Variants in TUBGCP6 observed in about 807,000 individuals in gnomAD.
TUBGCP6 encodes tubulin gamma complex component 6.
A neutral mutation model predicts 175.8 loss-of-function variants in TUBGCP6; 161 were observed. The ratio of observed to expected loss-of-function variants is 0.92; its 90% CI spans 0.81 to 1.04. The LOEUF (loss-of-function observed/expected upper bound fraction) is 1.04, where lower values mean the gene tolerates loss of function less well. Ranked by LOEUF, TUBGCP6 falls within the 50% of genes least tolerant of loss-of-function variation. The probability of loss-of-function intolerance (pLI) is 0.00; values close to 1 mark genes in which losing one functional copy is unlikely to be tolerated. For synonymous variants in TUBGCP6, 1,173 were observed against 1,030.5 expected (o/e 1.14, Z -2.65); for missense variants, 2,572 against 2,433.0 (o/e 1.06, Z -1.20).
chr22:50,243,716 T>C lies in TUBGCP6; in HGVS notation c.741+3A>G, dbSNP rs1243085750. The C allele has an allele frequency of 1.1e-5, 18 of 1,597,108 alleles. No homozygotes were observed. Among genetic ancestry groups the C allele is most frequent in the Non-Finnish European group, 1.5e-5 (17 of 1,168,684 alleles). ...ATGAAAGAGGAAAAACTAAACATTC[T>C]ACCTTAATAGCCAGCCCAGAGAGGT... is the stretch of plus-strand genomic sequence containing the variant. On this transcript the variant is annotated splice_donor_region_variant and intron_variant, in intron 1 of 24. Coordinates refer to ENST00000248846, the MANE Select transcript of TUBGCP6 (RefSeq NM_020461.4).
At chr22:50,240,157 A>G in intron 2 of TUBGCP6, 47 bp downstream of exon 2, 1 of 1,610,806 alleles carries the variant, frequency 6.2e-7, no homozygotes, top group South Asian at 1.1e-5. Context: ...GGCCACGCTC[A>G]TGCAGGGGTA....
chr22:50,218,222 GCACGCTGGATCTCCTCCAGGTCGCC>G lies in TUBGCP6; in HGVS notation c.5110_5134del (p.Gly1704ArgfsTer23). On this transcript the variant is annotated frameshift_variant, in exon 23 of 25. Coordinates refer to ENST00000248846, the MANE Select transcript of TUBGCP6 (RefSeq NM_020461.4). LOFTEE classifies it high-confidence loss of function. Reference sequence around the variant, plus strand: ...GGCCTTGTGCAGGTACTCTGCGTGCGCACGCTGGATCTCCTCCAGGTCGCCCACGGTGGCCAACCTGGCCCTGAAC... The same window carrying G: ...GGCCTTGTGCAGGTACTCTGCGTGCGCACGGTGGCCAACCTGGCCCTGAAC... 2 of 1,612,432 alleles carry G rather than the reference GCACGCTGGATCTCCTCCAGGTCGCC, an allele frequency of 1.2e-6. No individual in the cohort carries two copies. Among genetic ancestry groups the G allele is most frequent in the Non-Finnish European group, 1.7e-6 (2 of 1,179,870 alleles).
Position 50,226,846 on chromosome 22 carries a change from C to T in TUBGCP6, c.1492-4G>A. ...GGTAGGACAGCAGCTTCACGCCCTG[C>T]AGACCGCAAAGGGGGTGGGGGGCAG... On this transcript the variant is annotated splice_region_variant and splice_polypyrimidine_tract_variant and intron_variant, in intron 6 of 24. Transcript: ENST00000248846. 1 of 1,572,914 alleles carries T rather than the reference C, an allele frequency of 6.4e-7. No individual in the cohort carries two copies. Among genetic ancestry groups the T allele is most frequent in the East Asian group, 2.3e-5 (1 of 43,496 alleles).
At chr22:50,243,472 G>T (rs1034097573) in intron 1 of TUBGCP6, among the ~76,000 whole-genome samples, 2 of 148,098 alleles carry the variant, frequency 1.4e-5, no homozygotes, top group Non-Finnish European at 3.0e-5. Flanking sequence ...AAAAAATTAA[G>T]CCGGGCGTGG....
intron 2 of TUBGCP6, 119 bp downstream of exon 2, chr22:50,240,085 A>G (rs940147371): frequency 4.2e-5 from 58 of 1,380,768 alleles, no homozygotes; most frequent in Non-Finnish European, 5.2e-5. Flanking sequence ...AGCTTAGGTT[A>G]CTAACCCATC....
rs199680833 is a variant in TUBGCP6, at chr22:50,244,029, G to A, written c.431C>T (p.Pro144Leu). 411 of 1,613,980 alleles carry A rather than the reference G, an allele frequency of 2.5e-4. 1 individual carries two copies. Among genetic ancestry groups the A allele is most frequent in the Non-Finnish European group, 3.4e-4 (403 of 1,180,042 alleles). ...LNNKHVGRNV[P>L]YSGYDCDDLS... ...GTCGTCGCAATCATAGCCGCTGTACGGAACGTTTCTCCCCACATGCTTGTT... is the reference window on the plus strand; with the variant it reads ...GTCGTCGCAATCATAGCCGCTGTACAGAACGTTTCTCCCCACATGCTTGTT... The change falls in exon 1 of 25, where the codon CCG becomes CTG. Residue 144 changes from proline to leucine, a missense_variant. Physicochemically the swap from Pro to Leu is moderately conservative, Grantham distance 98 (BLOSUM62 -3). Coordinates refer to ENST00000248846, the MANE Select transcript of TUBGCP6 (RefSeq NM_020461.4).
rs1235894535 is a variant in TUBGCP6 at position 50,221,350 on chromosome 22, CAG to C, written c.3007_3008del (p.Leu1003AlafsTer39). 2 of 1,612,358 alleles carry C rather than the reference CAG, an allele frequency of 1.2e-6. No individual in the cohort carries two copies. The highest frequency in any genetic ancestry group is 1.7e-6 in the Non-Finnish European group (2 of 1,179,886). ...CACGCCTGGGTGGGTGTGAGGGGAG[CAG>C]AGTCTCCCGCGAGGCGGAGCCACAG... ...DACGSASRET[L>X]LPSHPPRRAA... On this transcript the variant is annotated frameshift_variant, in exon 16 of 25. Coordinates refer to ENST00000248846, the MANE Select transcript of TUBGCP6 (RefSeq NM_020461.4). LOFTEE classifies it high-confidence loss of function.
chr22:50,221,779 C>T lies in TUBGCP6; in HGVS notation c.2580G>A (p.Arg860=), dbSNP rs1437349043. Reference sequence around the variant, plus strand: ...GGGGCTGTGGGGTCAGCAGGCCTGGCCTGTTCCAGCCATCCCAGGCAGGCG... The same window carrying T: ...GGGGCTGTGGGGTCAGCAGGCCTGGTCTGTTCCAGCCATCCCAGGCAGGCG... ...QHSPAWDGWN[R]PGLLTPQPLK... The change falls in exon 16 of 25, where the codon AGG becomes AGA. Residue 860 remains arginine, a synonymous_variant. Transcript: ENST00000248846. The T allele has an allele frequency of 5.9e-6, 9 of 1,513,020 alleles. No individual in the cohort carries two copies. Among genetic ancestry groups the T allele is most frequent in the African/African-American group, 1.4e-5 (1 of 71,646 alleles). 93.7% of individuals were successfully genotyped at this position (1,513,020 alleles called of 1,614,324 possible).
In TUBGCP6 at chr22:50,229,494, C is replaced by G. The variant is rs2064661851; in HGVS notation, c.1200G>C (p.Val400=). 6.2e-7 allele frequency: 1 copy of G among 1,611,698 alleles called. No individual in the cohort carries two copies. Among genetic ancestry groups the G allele is most frequent in the South Asian group, 1.1e-5 (1 of 90,656 alleles). ...PESISSLLSE[V]AEYGTCYTRL... ...GCGTGTAGCAGGTCCCATACTCGGC[C>G]ACTTCCGAGAGCAGGCTGCTGATGC... The change falls in exon 4 of 25, where the codon GTG becomes GTC. Residue 400 remains valine, a synonymous_variant. Transcript: ENST00000248846.
Position 50,221,699 on chromosome 22 carries a change from GC to G in TUBGCP6, c.2659del (p.Ala887ProfsTer71). The G allele has an allele frequency of 6.6e-7, 1 of 1,517,184 alleles. No homozygotes were observed. The highest frequency in any genetic ancestry group is 8.8e-7 in the Non-Finnish European group (1 of 1,134,518). 94.0% of individuals were successfully genotyped at this position (1,517,184 alleles called of 1,614,324 possible). A position where few individuals can be genotyped will look rare whatever the true frequency, so the allele number is the denominator to read the frequency against. ...GCTGAGGCTGTCAGAGAAGGGTCTG[GC>G]CCCCTCCGCCTGCTGCAGCCCCCTG... is the stretch of plus-strand genomic sequence containing the variant. ...GGRGLQQAEGARPFSDSLSIG... is the reference protein window; with the variant it reads ...GGRGLQQAEGXRPFSDSLSIG... On this transcript the variant is annotated frameshift_variant, in exon 16 of 25. Coordinates refer to ENST00000248846, the MANE Select transcript of TUBGCP6 (RefSeq NM_020461.4). LOFTEE classifies it high-confidence loss of function.
chr22:50,226,003 C>T (rs1368169291), intron 9 of TUBGCP6, 47 bp downstream of exon 9: 5 of 1,613,328 alleles, frequency 3.1e-6, no homozygotes, highest in African/African-American at 1.3e-5. Context: ...TACTCAGCCC[C>T]AGGGAAGACC....
In TUBGCP6 at chr22:50,220,755, C is replaced by G; in HGVS notation, c.3604G>C (p.Val1202Leu). 1 of 1,604,644 alleles carries G rather than the reference C, an allele frequency of 6.2e-7. No individual in the cohort carries two copies. The highest frequency in any genetic ancestry group is 8.5e-7 in the Non-Finnish European group (1 of 1,177,350). ...SDASISLGES[V>L]SDMAPTRPRW... ...GGCCGGGTGGGAGCCATGTCTGACA[C>G]AGACTCCCCCAAGCTGATGCTGGCA... The change falls in exon 16 of 25, where the codon GTG (valine) becomes CTG (leucine). Residue 1202 changes from valine (V) to leucine (L), a missense_variant. Coordinates refer to ENST00000248846, the MANE Select transcript of TUBGCP6 (RefSeq NM_020461.4).
chr22:50,217,807 G>C lies in TUBGCP6; in HGVS notation c.5389C>G (p.Arg1797Gly). Reference sequence around the variant, plus strand: ...TCCTCCAGGTGGGGCTGGTAGCCGCGGTTCACCAGCTTGGTCACCACTGGG... The same window carrying C: ...TCCTCCAGGTGGGGCTGGTAGCCGCCGTTCACCAGCTTGGTCACCACTGGG... The part of the protein sequence containing the change: ...LFKVVTKLVN[R>G]GYQPHLEDFL... Residue 1797 changes from arginine to glycine, a missense_variant, in exon 25 of 25, where the codon CGC becomes GGC. Physicochemically the swap from Arg to Gly is moderately radical, Grantham distance 125 (BLOSUM62 -2). Coordinates refer to ENST00000248846, the MANE Select transcript of TUBGCP6 (RefSeq NM_020461.4). The C allele has an allele frequency of 6.2e-7, 1 of 1,613,958 alleles. No individual in the cohort carries two copies. Among genetic ancestry groups the C allele is most frequent in the Non-Finnish European group, 8.5e-7 (1 of 1,180,000 alleles).
chr22:50,219,893 G>A, intron 17 of TUBGCP6, 64 bp downstream of exon 17: 1 of 1,605,064 alleles, frequency 6.2e-7, no homozygotes, highest in Non-Finnish European at 8.5e-7. Flanking sequence ...CCACCCGCGT[G>A]ACAACCTAGA....
chr22:50,218,671 T>C, intron 21 of TUBGCP6, 32 bp downstream of exon 21: 1 of 1,613,526 alleles, frequency 6.2e-7, no homozygotes, highest in Non-Finnish European at 8.5e-7. Context: ...CAGGCCCCTG[T>C]CCCATCCCCC....
intron 3 of TUBGCP6, among the ~76,000 whole-genome samples, chr22:50,232,025 A>C (rs1225734168): frequency 3.3e-5 from 5 of 151,442 alleles, no homozygotes; most frequent in Admixed American, 6.6e-5. Flanking sequence ...GTTCAACACC[A>C]GCCTGGGCAA....
chr22:50,237,197 T>C (rs2064787854), intron 2 of TUBGCP6, among the ~76,000 whole-genome samples: 1 of 152,230 alleles, frequency 6.6e-6, no homozygotes. Context: ...ATGGTGGTTC[T>C]CAGGGTGGGC....
Position 50,240,240 on chromosome 22 carries a change from T to G in TUBGCP6, c.869A>C (p.Glu290Ala). The G allele has an allele frequency of 6.2e-7, 1 of 1,613,994 alleles. No homozygotes were observed. Among genetic ancestry groups the G allele is most frequent in the South Asian group, 1.1e-5 (1 of 91,078 alleles). ...VDLWEAALTY[E>A]ASKRRCWERV... ...CTCCCAGCACCTCCGCTTGCTGGCC[T>G]CATAGGTAAGTGCGGCTTCCCACAG... Residue 290 changes from glutamate (E) to alanine (A), a missense_variant, in exon 2 of 25, where the codon GAG becomes GCG. Glu to Ala is a moderately radical substitution (Grantham distance 107, BLOSUM62 -1). Transcript: ENST00000248846.
chr22:50,219,446 G>A lies in TUBGCP6; in HGVS notation c.4326C>T (p.Pro1442=), dbSNP rs76633938. The A allele has an allele frequency of 2.2e-3, 3,426 of 1,576,020 alleles. 73 individuals are homozygous for A. In the African/African-American group the frequency reaches 0.04, roughly 18 times the overall value. ...PDSYESMSEP[P]IAHLLRPVLP... The stretch of plus-strand genomic sequence containing the variant: ...GCACGGGGCGCAAAAGATGAGCAAT[G>A]GGCGGCTCGGCTGCGGGAGATGGAG... Residue 1442 remains proline, a synonymous_variant, in exon 19 of 25, where the codon CCC becomes CCT. Coordinates refer to ENST00000248846, the MANE Select transcript of TUBGCP6 (RefSeq NM_020461.4).
Sources: allele counts gnomAD v4.1 joint callset (sites outside exome capture counted in the v4.1 genomes callset), GRCh38; gene constraint gnomAD v4.1.1; transcripts MANE v1.5; gene names NCBI Gene and HGNC (gene_info 2026-07-23, HGNC 2026-07-21).